ZNF729: variants seen among roughly 807,000 people sequenced by gnomAD.
ZNF729 encodes zinc finger protein 729.
A neutral mutation model predicts 12.2 loss-of-function variants in ZNF729; 15 were observed. The ratio of observed to expected loss-of-function variants is 1.23; its 90% CI spans 0.82 to 1.89. The LOEUF (loss-of-function observed/expected upper bound fraction) is 1.89. Among genes scored for constraint, ZNF729 ranks in the 40% most tolerant of loss-of-function variants. The pLI, the probability that ZNF729 is intolerant of heterozygous loss-of-function variation, is 0.00. For synonymous variants in ZNF729, 492 were observed against 476.3 expected, an observed-to-expected ratio of 1.03 and a Z score of -0.43; for missense variants, 1,540 against 1,456.7, an observed-to-expected ratio of 1.06 and a Z score of -0.93.
intron 3 of ZNF729, among the ~76,000 whole-genome samples, chr19:22,308,850 G>A (rs1188801199): frequency 2.0e-5 from 3 of 151,966 alleles, no homozygotes; most frequent in African/African-American, 4.8e-5. Context: ...CTTTTGCCTT[G>A]CAAAAGCTCT....
At position 22,315,759 on chromosome 19, in the gene ZNF729, C is replaced by G; in HGVS notation, c.2342C>G (p.Ser781Ter). The G allele has an allele frequency of 6.2e-7, 1 of 1,608,920 alleles. No individual in the cohort carries two copies. Among genetic ancestry groups the G allele is most frequent in the African/African-American group, 1.3e-5 (1 of 74,970 alleles). ...EECVKAFNSF[S>*]ALMKHKVIHT... is the part of the protein sequence containing the mutation. ...TGTGTCAAAGCTTTTAACAGTTTCT[C>G]AGCCCTTATGAAACATAAGGTAATT... The change falls in exon 4 of 4, where the codon TCA (serine) becomes TGA (stop). Residue 781 changes from serine to a stop codon, truncating the protein, a stop_gained. Coordinates refer to ENST00000601693, the MANE Select transcript of ZNF729 (RefSeq NM_001242680.2). LOFTEE classifies it low-confidence loss of function (END_TRUNC).
At chr19:22,307,707 C>T (rs1031058592) in intron 3 of ZNF729, among the ~76,000 whole-genome samples, 26 of 146,924 alleles carry the variant, frequency 1.8e-4, no homozygotes, top group Admixed American at 1.6e-3. Context: ...CCCACCATTG[C>T]ACTCCAGCCT....
Position 22,316,482 on chromosome 19 carries a change from G to A in ZNF729, c.3065G>A (p.Cys1022Tyr). ...LIHTREKLYKCEECVKAFNNF... is the reference protein window; with the variant it reads ...LIHTREKLYKYEECVKAFNNF... Reference sequence around the variant, plus strand: ...CATACTAGGGAGAAATTGTACAAATGTGAAGAATGTGTCAAAGCTTTTAAC... The same window carrying A: ...CATACTAGGGAGAAATTGTACAAATATGAAGAATGTGTCAAAGCTTTTAAC... The change falls in exon 4 of 4, where the codon TGT becomes TAT. Residue 1022 changes from cysteine (C) to tyrosine (Y), a missense_variant. Coordinates refer to ENST00000601693, the MANE Select transcript of ZNF729 (RefSeq NM_001242680.2). 1.9e-6 allele frequency: 3 copies of A among 1,613,688 alleles called. No homozygotes were observed. The highest frequency in any genetic ancestry group is 2.2e-5 in the South Asian group (2 of 91,060).
intron 1 of ZNF729, among the ~76,000 whole-genome samples, chr19:22,286,877 C>T (rs1304986341): frequency 6.6e-6 from 1 of 152,202 alleles, no homozygotes; most frequent in Non-Finnish European, 1.5e-5. Context: ...AATCCTGACT[C>T]CGGATGCGGG....
Position 22,316,935 on chromosome 19 carries a change from C to G in ZNF729, c.3518C>G (p.Ser1173Ter), listed in dbSNP as rs1367281367. ...EECGKAFNQSSHLTRHKTIHT... is the reference protein window; with the variant it reads ...EECGKAFNQS ...TGTGGCAAAGCCTTTAACCAGTCCT[C>G]ACACCTTACTAGACACAAAACAATT... Residue 1173 changes from serine to a stop codon, truncating the protein, a stop_gained, in exon 4 of 4, where the codon TCA becomes TGA. Coordinates refer to ENST00000601693, the MANE Select transcript of ZNF729 (RefSeq NM_001242680.2). LOFTEE classifies it low-confidence loss of function (END_TRUNC). 3 of 1,613,140 alleles carry G rather than the reference C, an allele frequency of 1.9e-6. No homozygotes were observed. In the South Asian group the frequency reaches 3.3e-5, roughly 18 times the overall value.
At chr19:22,305,025 G>A (rs549233321) in intron 3 of ZNF729, among the ~76,000 whole-genome samples, 19 of 152,302 alleles carry the variant, frequency 1.2e-4, no homozygotes, top group African/African-American at 3.8e-4. Context: ...AGCCAAAGTC[G>A]TGTTCATGGC....
In ZNF729 at chr19:22,292,692, C is replaced by T. The variant is rs554448650; in HGVS notation, c.30+6137C>T. ...CTGAGCTCAGGCAATTCACCTGCCT[C>T]GGCCTCCCAGAGTGCTGGAACTACA... On this transcript the variant is annotated intron_variant, in intron 1 of 3. Coordinates refer to ENST00000601693, the MANE Select transcript of ZNF729 (RefSeq NM_001242680.2). 3.3e-5 allele frequency among the ~76,000 whole-genome samples: 5 copies of T among 152,254 alleles called. No homozygotes were observed. The South Asian group carries it at 8.3e-4, about 25-fold the overall frequency.
rs112611796 is a variant in ZNF729 at position 22,297,679 on chromosome 19, A to G, written c.31-6079A>G. On this transcript the variant is annotated intron_variant, in intron 1 of 3. Transcript: ENST00000601693. ...TATATATATATGGTCTTTAAAGGAG[A>G]CAAAGATTTGTTTAGATTAAAGCTC... Among the ~76,000 whole-genome samples the G allele has an allele frequency of 3.0e-3, 452 of 151,818 alleles. 4 individuals are homozygous for G. The highest frequency in any genetic ancestry group is 0.011 in the African/African-American group (440 of 41,446).
At chr19:22,312,707 G>T (rs1289531960) in intron 3 of ZNF729, among the ~76,000 whole-genome samples, 3 of 151,848 alleles carry the variant, frequency 2.0e-5, no homozygotes, top group Non-Finnish European at 2.9e-5. Flanking sequence ...TGTGCTACTG[G>T]TTTTTTTGTT....
Position 22,295,074 on chromosome 19 carries a change from C to G in ZNF729, c.30+8519C>G, listed in dbSNP as rs200203732. On this transcript the variant is annotated intron_variant, in intron 1 of 3. Transcript: ENST00000601693. ...TGTGTGTGTGTGTGTGTGTGTGTGT[C>G]AGTTGTGAAGGGGATTGTGTTTTTG... Among the ~76,000 whole-genome samples, 22 of 111,514 alleles carry G rather than the reference C, an allele frequency of 2.0e-4. No homozygotes were observed. The South Asian group carries it at 3.0e-3, about 15-fold the overall frequency. The allele number at this position is 111,514 out of a possible 152,430, so 73.2% of individuals were successfully genotyped here.
intron 3 of ZNF729, among the ~76,000 whole-genome samples, chr19:22,309,869 A>T (rs895867514): frequency 1.3e-5 from 2 of 151,520 alleles, no homozygotes; most frequent in African/African-American, 4.8e-5. Context: ...TGTTTGTGTC[A>T]TCTGTGGTTT....
At chr19:22,300,344 G>A (rs1307545240) in intron 1 of ZNF729, among the ~76,000 whole-genome samples, 2 of 152,186 alleles carry the variant, frequency 1.3e-5, no homozygotes, top group Non-Finnish European at 2.9e-5. Flanking sequence ...GATTGACTGT[G>A]ATGCATGTCA....
chr19:22,308,498 GTGTTCCC>G (rs1968412115), intron 3 of ZNF729, among the ~76,000 whole-genome samples: 2 of 151,976 alleles, frequency 1.3e-5, no homozygotes, highest in African/African-American at 4.8e-5. Flanking sequence ...CAGTGTAGAA[GTGTTCCC>G]TGATCACCAC....
intron 1 of ZNF729, among the ~76,000 whole-genome samples, chr19:22,292,109 G>A (rs116516125): frequency 0.02 from 3,054 of 151,870 alleles, 102 homozygotes; most frequent in African/African-American, 0.07. Flanking sequence ...AAATTGTGTC[G>A]GGGGGTTGGT....
In ZNF729 at chr19:22,313,717, A is replaced by C. The variant is rs755370177; in HGVS notation, c.300A>C (p.Thr100=). 1.3e-6 allele frequency: 2 copies of C among 1,560,726 alleles called. No homozygotes were observed. Among genetic ancestry groups the C allele is most frequent in the African/African-American group, 2.7e-5 (2 of 72,998 alleles). ...FTQDLWPDQS[T]KDSFQEVILR... Reference sequence around the variant, plus strand: ...AAGACCTTTGGCCAGATCAGAGCACAAAAGATTCTTTCCAAGAAGTAATAC... The same window carrying C: ...AAGACCTTTGGCCAGATCAGAGCACCAAAGATTCTTTCCAAGAAGTAATAC... The change falls in exon 4 of 4, where the codon ACA becomes ACC. Residue 100 remains threonine, a synonymous_variant. Coordinates refer to ENST00000601693, the MANE Select transcript of ZNF729 (RefSeq NM_001242680.2).
At position 22,316,743 on chromosome 19, in the gene ZNF729, G is replaced by T. The variant is rs1229961225; in HGVS notation, c.3326G>T (p.Cys1109Phe). The change falls in exon 4 of 4, where the codon TGT (cysteine) becomes TTT (phenylalanine). Residue 1109 changes from cysteine to phenylalanine, a missense_variant. By Grantham distance (205) the Cys-to-Phe change is radical. Transcript: ENST00000601693. ...TGKKPYQCDE[C>F]GKAFNNSSTL... is the part of the protein sequence containing the mutation. ...AAGAAACCCTACCAATGTGACGAAT[G>T]TGGCAAAGCTTTTAACAATTCCTCA... The T allele has an allele frequency of 6.2e-7, 1 of 1,612,852 alleles. No homozygotes were observed. Among genetic ancestry groups the T allele is most frequent in the Admixed American group, 1.7e-5 (1 of 59,960 alleles).
At chr19:22,294,658 T>TA (rs1968202003) in intron 1 of ZNF729, among the ~76,000 whole-genome samples, 1 of 124,492 alleles carries the variant, frequency 8.0e-6, no homozygotes, top group Non-Finnish European at 1.7e-5. Context: ...TTTCTTTTTC[T>TA]TTTTTTTTTT....
chr19:22,314,504 C>G lies in ZNF729; in HGVS notation c.1087C>G (p.Leu363Val), dbSNP rs1318783367. Residue 363 changes from leucine (L) to valine (V), a missense_variant, in exon 4 of 4, where the codon CTT becomes GTT. Leu to Val is a conservative substitution (Grantham distance 32). Transcript: ENST00000601693. ...CGKAFSQSST[L>V]RKHEIIHTGE... is the part of the protein sequence containing the mutation. The stretch of plus-strand genomic sequence containing the variant: ...CAAAGCTTTTAGCCAGTCCTCAACC[C>G]TTAGAAAACATGAGATAATTCATAC... The G allele has an allele frequency of 6.2e-7, 1 of 1,609,036 alleles. No individual in the cohort carries two copies. The highest frequency in any genetic ancestry group is 8.5e-7 in the Non-Finnish European group (1 of 1,178,140).
chr19:22,305,591 G>A (rs1968368400), intron 3 of ZNF729, among the ~76,000 whole-genome samples: 1 of 151,722 alleles, frequency 6.6e-6, no homozygotes, highest in Non-Finnish European at 1.5e-5. Context: ...ATCAATTTTT[G>A]TCTCATACTA....
Sources: allele counts gnomAD v4.1 joint callset (sites outside exome capture counted in the v4.1 genomes callset), GRCh38; gene constraint gnomAD v4.1.1; transcripts MANE v1.5; gene names NCBI Gene and HGNC (gene_info 2026-07-23, HGNC 2026-07-21).